The following EYS variants were observed in gnomAD, a reference collection of about 807,000 sequenced individuals.
EYS encodes the protein EGF-like photoreceptor maintenance factor, also known as protein eyes shut homolog.
Under a neutral mutation model 282.1 loss-of-function variants are expected in EYS, and 250 were observed. That is an observed-to-expected ratio of 0.89 (90% CI 0.80 to 0.98). The LOEUF (loss-of-function observed/expected upper bound fraction) is 0.98. Among genes scored for constraint, EYS ranks in the 50% least tolerant of loss-of-function variants. EYS has a pLI of 0.00. For missense variants in EYS, 4,016 were observed against 3,709.0 expected, an observed-to-expected ratio of 1.08 and a Z score of -2.15; for synonymous variants, 1,355 against 1,282.9, an observed-to-expected ratio of 1.06 and a Z score of -1.20.
intron 15 of EYS, among the ~76,000 whole-genome samples, chr6:64,934,659 C>A (rs1440257732): frequency 6.6e-6 from 1 of 151,766 alleles, no homozygotes; most frequent in Non-Finnish European, 1.5e-5. Flanking sequence ...AATTCTATAT[C>A]CTACAATGCT....
At chr6:64,263,159 C>T (rs1767644121) in intron 30 of EYS, among the ~76,000 whole-genome samples, 2 of 152,046 alleles carry the variant, frequency 1.3e-5, no homozygotes, top group Non-Finnish European at 2.9e-5. Context: ...GAATCTGGCA[C>T]AGGATAATTG....
intron 31 of EYS, among the ~76,000 whole-genome samples, chr6:64,185,367 C>G (rs1482757221): frequency 7.6e-6 from 1 of 132,392 alleles, no homozygotes; most frequent in Non-Finnish European, 1.6e-5. Context: ...ATACTGTATT[C>G]ACTTGATTAT....
chr6:64,872,138 C>G (rs549754562), intron 19 of EYS, among the ~76,000 whole-genome samples: 18 of 152,082 alleles, frequency 1.2e-4, no homozygotes, highest in Non-Finnish European at 2.2e-4. Flanking sequence ...GTTGACAACT[C>G]ATATGAAAGG....
chr6:64,906,945 G>A (rs1012203796), intron 16 of EYS, among the ~76,000 whole-genome samples: 6 of 152,144 alleles, frequency 3.9e-5, no homozygotes, highest in Admixed American at 1.3e-4. Context: ...CACACACATG[G>A]TAACATAATA....
intron 19 of EYS, among the ~76,000 whole-genome samples, chr6:64,885,935 C>G (rs1166932581): frequency 6.6e-6 from 1 of 151,698 alleles, no homozygotes; most frequent in African/African-American, 2.4e-5. Context: ...ACTCATCCCT[C>G]AGGATAGAAA....
chr6:64,115,993 CAT>C (rs1773369667), intron 31 of EYS, among the ~76,000 whole-genome samples: 1 of 151,786 alleles, frequency 6.6e-6, no homozygotes, highest in East Asian at 1.9e-4. Context: ...TACAAGAAAA[CAT>C]AGGTAGCTAA....
At chr6:64,637,243 C>A (rs1359659020) in intron 22 of EYS, among the ~76,000 whole-genome samples, 1 of 91,088 alleles carries the variant, frequency 1.1e-5, no homozygotes, top group African/African-American at 4.2e-5. Flanking sequence ...CATATATACA[C>A]CATGGAATAC....
chr6:65,354,505 A>T (rs1764402474), intron 8 of EYS, among the ~76,000 whole-genome samples: 1 of 151,554 alleles, frequency 6.6e-6, no homozygotes, highest in Non-Finnish European at 1.5e-5. Context: ...AGTATGAGTC[A>T]ACACTAAATG....
At chr6:65,120,829 A>G (rs1180797194) in intron 12 of EYS, among the ~76,000 whole-genome samples, 1 of 152,052 alleles carries the variant, frequency 6.6e-6, no homozygotes, top group Non-Finnish European at 1.5e-5. Flanking sequence ...AATAATCTCA[A>G]CCTGAACATT....
intron 29 of EYS, among the ~76,000 whole-genome samples, chr6:64,319,966 C>G (rs1273385336): frequency 6.6e-6 from 1 of 151,972 alleles, no homozygotes; most frequent in African/African-American, 2.4e-5. Flanking sequence ...CTTCCTTTAA[C>G]ACATCTTATA....
At chr6:64,521,136 G>A (rs188357991) in intron 26 of EYS, among the ~76,000 whole-genome samples, 1 of 151,866 alleles carries the variant, frequency 6.6e-6, no homozygotes, top group Admixed American at 6.6e-5. Flanking sequence ...GTAGTTTTCA[G>A]CCTGTGACTG....
intron 29 of EYS, among the ~76,000 whole-genome samples, chr6:64,361,478 A>T (rs1772003652): frequency 6.6e-6 from 1 of 151,818 alleles, no homozygotes. Context: ...AGTCCATATG[A>T]TACAAAATAT....
chr6:64,074,176 G>A (rs991814276), intron 32 of EYS, among the ~76,000 whole-genome samples: 1 of 151,398 alleles, frequency 6.6e-6, no homozygotes, highest in Non-Finnish European at 1.5e-5. Context: ...ATGATTGTCT[G>A]CTAATTTAAG....
chr6:65,049,872 G>A (rs1773214265), intron 13 of EYS, among the ~76,000 whole-genome samples: 1 of 151,566 alleles, frequency 6.6e-6, no homozygotes, highest in South Asian at 2.1e-4. Flanking sequence ...TAACTCAGCT[G>A]GGATGGGCCG....
At chr6:64,022,259 C>T (rs1263140233) in intron 33 of EYS, among the ~76,000 whole-genome samples, 1 of 152,124 alleles carries the variant, frequency 6.6e-6, no homozygotes, top group Non-Finnish European at 1.5e-5. Context: ...AAAAGTTTTT[C>T]TCATTCTTTT....
At chr6:64,503,468 C>A (rs1777116519) in intron 26 of EYS, among the ~76,000 whole-genome samples, 1 of 152,038 alleles carries the variant, frequency 6.6e-6, no homozygotes, top group Non-Finnish European at 1.5e-5. Context: ...AAACTGCTTC[C>A]GTGGAATTAA....
chr6:64,187,053 T>A (rs991170280), intron 31 of EYS, among the ~76,000 whole-genome samples: 2 of 152,102 alleles, frequency 1.3e-5, no homozygotes, highest in African/African-American at 4.8e-5. Context: ...CTGTGATAAT[T>A]TAAAGAAAAT....
intron 30 of EYS, among the ~76,000 whole-genome samples, chr6:64,306,165 A>C (rs1326772385): frequency 6.6e-6 from 1 of 152,182 alleles, no homozygotes; most frequent in African/African-American, 2.4e-5. Flanking sequence ...CAAAACTGTG[A>C]GGCTCAAGTC....
In EYS at chr6:65,569,219, C is replaced by T. The variant is rs904708765; in HGVS notation, c.-333+70559G>A. On this transcript the variant is annotated intron_variant, in intron 2 of 42. Transcript: ENST00000503581. ...CCCCCACTGAGCACCTTGTGACCCCCGCCCCTGCCCAGGGAGAACTACCCC... is the reference window on the plus strand; with the variant it reads ...CCCCCACTGAGCACCTTGTGACCCCTGCCCCTGCCCAGGGAGAACTACCCC... Among the ~76,000 whole-genome samples, 22 of 152,080 alleles carry T rather than the reference C, an allele frequency of 1.4e-4. 1 individual carries two copies. The highest frequency in any genetic ancestry group is 7.2e-5 in the African/African-American group (3 of 41,436).
Sources: gnomAD v4.1 joint callset for allele counts (sites outside exome capture counted in the v4.1 genomes callset) on GRCh38, gnomAD v4.1.1 for gene constraint, MANE v1.5 for transcripts, NCBI Gene and HGNC (gene_info 2026-07-23, HGNC 2026-07-21) for gene names.